The following GRID2 variants were observed in gnomAD, a reference collection of about 807,000 sequenced individuals.
GRID2 encodes the protein glutamate receptor ionotropic, delta-2.
GRID2 carries 33 observed loss-of-function variants against 114.8 expected under a neutral mutation model. The ratio of observed to expected loss-of-function variants is 0.29; its 90% CI spans 0.22 to 0.38. GRID2 has a LOEUF of 0.38. Ranked by LOEUF, GRID2 falls within the 10% of genes least tolerant of loss-of-function variation. The probability of loss-of-function intolerance (pLI) is 1.00; values close to 1 mark genes in which losing one functional copy is unlikely to be tolerated. For synonymous variants in GRID2, 505 were observed against 449.9 expected, an observed-to-expected ratio of 1.12 and a Z score of -1.55; for missense variants, 1,184 against 1,257.7, an observed-to-expected ratio of 0.94 and a Z score of 0.89.
In GRID2 at chr4:93,385,665, T is replaced by C. The variant is rs146466735; in HGVS notation, c.1246-9942T>C. Among the ~76,000 whole-genome samples, 1,009 of 152,192 alleles carry C rather than the reference T, an allele frequency of 6.6e-3. 8 individuals are homozygous for C. The highest frequency in any genetic ancestry group is 0.011 in the Non-Finnish European group (768 of 67,994). On this transcript the variant is annotated intron_variant, in intron 8 of 15. Transcript: ENST00000282020. ...TATAAATATCATTAATCCTTACTAA[T>C]AATAATACTTACATCAATGTTTATA...
chr4:93,234,203 G>C (rs1746490844), intron 7 of GRID2, among the ~76,000 whole-genome samples: 1 of 151,906 alleles, frequency 6.6e-6, no homozygotes, highest in African/African-American at 2.4e-5. Context: ...TCTCGGTATA[G>C]GCCTCTTGTC....
intron 13 of GRID2, among the ~76,000 whole-genome samples, chr4:93,558,966 C>T (rs1285397286): frequency 6.6e-6 from 1 of 152,148 alleles, no homozygotes; most frequent in Non-Finnish European, 1.5e-5. Context: ...ATCACATAAA[C>T]AGAACCAATG....
At chr4:92,892,669 A>T (rs1372946944) in intron 2 of GRID2, among the ~76,000 whole-genome samples, 3 of 152,180 alleles carry the variant, frequency 2.0e-5, no homozygotes, top group Non-Finnish European at 4.4e-5. Context: ...CTGAGATTGG[A>T]GAAATTAATA....
chr4:93,556,694 C>G (rs1292851767), intron 13 of GRID2, among the ~76,000 whole-genome samples: 1 of 152,156 alleles, frequency 6.6e-6, no homozygotes, highest in Non-Finnish European at 1.5e-5. Flanking sequence ...TTATCCAGAA[C>G]TTCCCCAACC....
At chr4:92,460,137 T>C (rs547223060) in intron 1 of GRID2, among the ~76,000 whole-genome samples, 1 of 147,472 alleles carries the variant, frequency 6.8e-6, no homozygotes, top group South Asian at 2.2e-4. Flanking sequence ...GACCATCTTA[T>C]AATAATTTGA....
At chr4:92,923,669 AC>A (rs1749555340) in intron 2 of GRID2, among the ~76,000 whole-genome samples, 1 of 152,188 alleles carries the variant, frequency 6.6e-6, no homozygotes, top group Non-Finnish European at 1.5e-5. Flanking sequence ...TTATACACAT[AC>A]TACTTTGGCA....
intron 2 of GRID2, among the ~76,000 whole-genome samples, chr4:92,988,798 C>CT (rs1221898618): frequency 6.6e-6 from 1 of 152,084 alleles, no homozygotes; most frequent in Non-Finnish European, 1.5e-5. Flanking sequence ...AATAAACAAA[C>CT]TGACAAAGGA....
In GRID2 at chr4:92,738,707, A is replaced by G. The variant is rs191672358; in HGVS notation, c.244+148421A>G. Among the ~76,000 whole-genome samples the G allele has an allele frequency of 2.6e-3, 393 of 152,242 alleles. 1 individual carries two copies. Among genetic ancestry groups the G allele is most frequent in the African/African-American group, 9.0e-3 (375 of 41,548 alleles). ...CACTCTGTTGCTCATGCTGGAGTAC[A>G]GTATCATGATCATAGCTCACTGCAG... On this transcript the variant is annotated intron_variant, in intron 2 of 15. Transcript: ENST00000282020.
intron 8 of GRID2, among the ~76,000 whole-genome samples, chr4:93,352,855 A>G (rs1334884600): frequency 6.6e-6 from 1 of 152,014 alleles, no homozygotes; most frequent in Non-Finnish European, 1.5e-5. Flanking sequence ...CCAAAGCTTG[A>G]CTACCTACCC....
intron 8 of GRID2, among the ~76,000 whole-genome samples, chr4:93,240,269 C>T (rs1444625328): frequency 1.3e-5 from 2 of 151,506 alleles, no homozygotes; most frequent in African/African-American, 4.8e-5. Flanking sequence ...CAGGCATTGC[C>T]CCACATTCTA....
intron 2 of GRID2, among the ~76,000 whole-genome samples, chr4:92,656,685 C>G (rs866950716): frequency 6.6e-6 from 1 of 151,726 alleles, no homozygotes; most frequent in African/African-American, 2.4e-5. Context: ...CTATGGAAGG[C>G]AATTTCCTGT....
In GRID2 at chr4:93,207,397, A is replaced by C; in HGVS notation, c.736-7A>C. 6.3e-7 allele frequency: 1 copy of C among 1,587,464 alleles called. No individual in the cohort carries two copies. Among genetic ancestry groups the C allele is most frequent in the South Asian group, 1.1e-5 (1 of 90,462 alleles). ...TTGACTGATAGCTGATTTGTTTTCT[A>C]TTCTAGGTTGTGGAGACTAATTTGG... On this transcript the variant is annotated splice_polypyrimidine_tract_variant and splice_region_variant and intron_variant, in intron 4 of 15. Transcript: ENST00000282020.
chr4:92,525,870 ATTCTAT>A (rs1224003129), intron 1 of GRID2, among the ~76,000 whole-genome samples: 1 of 152,116 alleles, frequency 6.6e-6, no homozygotes, highest in Non-Finnish European at 1.5e-5. Flanking sequence ...GTAGAGCAGT[ATTCTAT>A]GCTGGTGAGA....
chr4:92,518,255 G>T (rs994544836), intron 1 of GRID2, among the ~76,000 whole-genome samples: 5 of 151,470 alleles, frequency 3.3e-5, no homozygotes, highest in Non-Finnish European at 7.4e-5. Context: ...TAAGGTAAAG[G>T]TTAGCTCAAC....
chr4:92,858,909 G>A (rs978724353), intron 2 of GRID2, among the ~76,000 whole-genome samples: 1 of 152,120 alleles, frequency 6.6e-6, no homozygotes, highest in African/African-American at 2.4e-5. Context: ...TCCATCTCAG[G>A]AAACTATTCT....
At chr4:93,366,615 C>G (rs11934089) in intron 8 of GRID2, among the ~76,000 whole-genome samples, 31,532 of 151,848 alleles carry the variant, frequency 0.21, 5,146 homozygotes, top group African/African-American at 0.45. Context: ...CTTGATGTCT[C>G]TGACCCACAC....
chr4:92,507,118 C>G (rs1724015756), intron 1 of GRID2, among the ~76,000 whole-genome samples: 1 of 151,902 alleles, frequency 6.6e-6, no homozygotes, highest in Admixed American at 6.6e-5. Context: ...TAATTTATTA[C>G]AATCTGGCTT....
chr4:92,535,947 C>T (rs1725600737), intron 1 of GRID2, among the ~76,000 whole-genome samples: 1 of 152,138 alleles, frequency 6.6e-6, no homozygotes, highest in African/African-American at 2.4e-5. Context: ...CATGGTCTCA[C>T]TGGCTTCAGG....
intron 8 of GRID2, among the ~76,000 whole-genome samples, chr4:93,263,157 C>T (rs773237117): frequency 1.3e-5 from 2 of 151,726 alleles, no homozygotes; most frequent in Non-Finnish European, 1.5e-5. Context: ...ATCAATTTTT[C>T]GAGATCTTTC....
Sources: allele counts gnomAD v4.1 joint callset (sites outside exome capture counted in the v4.1 genomes callset), GRCh38; gene constraint gnomAD v4.1.1; transcripts MANE v1.5; gene names NCBI Gene and HGNC (gene_info 2026-07-23, HGNC 2026-07-21).